Variants in MBP observed in about 807,000 individuals in gnomAD.
MBP encodes myelin basic protein.
Under a neutral mutation model 35.8 loss-of-function variants are expected in MBP, and 16 were observed. The observed-to-expected ratio is 0.45, with a 90% CI of 0.30 to 0.68. The LOEUF is 0.68. MBP is among the 30% of genes least tolerant of loss of function. The pLI is 0.08. For missense variants in MBP, 380 were observed against 404.7 expected (o/e 0.94, Z 0.52); for synonymous variants, 143 against 159.6 (o/e 0.90, Z 0.78).
At chr18:77,073,447 T>A (rs986690904) in intron 2 of MBP, among the ~76,000 whole-genome samples, 8 of 152,136 alleles carry the variant, frequency 5.3e-5, no homozygotes, top group Non-Finnish European at 1.0e-4. Flanking sequence ...TTGACATGAG[T>A]TCCCTAATAC....
rs1192814183 is a variant in MBP at position 77,036,919 on chromosome 18, T to C, written c.140-19651A>G. 1.2e-3 allele frequency among the ~76,000 whole-genome samples: 84 copies of C among 72,724 alleles called. 13 individuals carry two copies. The highest frequency in any genetic ancestry group is 3.4e-3 in the East Asian group (4 of 1,184). 47.7% of individuals were successfully genotyped at this position (72,724 alleles called of 152,430 possible). ...AGCTGAGCAAGTGCTGGTCACATTT[T>C]GGAGACTGAGCTGAGCAAGTGCTGG... On this transcript the variant is annotated intron_variant, in intron 3 of 8. Coordinates refer to ENST00000355994, the MANE Select transcript of MBP (RefSeq NM_001025101.2).
rs1161900595 is a variant in MBP, at chr18:77,102,316, G to A, written c.51+2895C>T. 6.6e-6 allele frequency among the ~76,000 whole-genome samples: 1 copy of A among 152,152 alleles called. No homozygotes were observed. The highest frequency in any genetic ancestry group is 2.4e-5 in the African/African-American group (1 of 41,422). ...ACTTTCCTTGACTCTCTCATAAGGG[G>A]GAAAAATGCCTCCCAGAATCACACA... On this transcript the variant is annotated intron_variant, in intron 2 of 8. Transcript: ENST00000355994. This position sits in a 1 kb window ranked among gnomAD's most constrained non-coding sequence, Gnocchi z 4.4.
intron 2 of MBP, among the ~76,000 whole-genome samples, chr18:77,104,229 T>C (rs534242116): frequency 6.6e-6 from 1 of 152,076 alleles, no homozygotes; most frequent in Admixed American, 6.5e-5. Flanking sequence ...ACAAGACACA[T>C]GGGAGCAGGA....
At chr18:77,005,361 T>A (rs1334195069) in intron 4 of MBP, 2 of 152,254 alleles carry the variant, frequency 1.3e-5, no homozygotes, top group African/African-American at 4.8e-5. Context: ...AGGTACCATG[T>A]TGCCATGGCG....
At chr18:77,092,273 G>A (rs911815221) in intron 2 of MBP, among the ~76,000 whole-genome samples, 9 of 152,152 alleles carry the variant, frequency 5.9e-5, no homozygotes, top group African/African-American at 2.2e-4. Flanking sequence ...GCAGCTCCCC[G>A]TCGGGCTGCA....
chr18:77,008,812 T>C (rs933190304), intron 4 of MBP, among the ~76,000 whole-genome samples: 6 of 152,210 alleles, frequency 3.9e-5, no homozygotes, highest in African/African-American at 1.2e-4. Flanking sequence ...ATGTCTGACA[T>C]GCAGCCACAC....
At chr18:77,113,980 C>T (rs1295685769) in intron 1 of MBP, 1 of 152,218 alleles carries the variant, frequency 6.6e-6, no homozygotes, top group African/African-American at 2.4e-5. Flanking sequence ...TTTCAGGAGC[C>T]AGCCCTGGGC....
chr18:76,987,176 G>T (rs1003670360), intron 7 of MBP: 1 of 985,338 alleles, frequency 1.0e-6, no homozygotes, highest in East Asian at 1.1e-4. Flanking sequence ...GATCCGGCAC[G>T]ACGGCCCCAA....
chr18:77,117,309 A>G (rs185161971), intron 1 of MBP, among the ~76,000 whole-genome samples: 10 of 152,370 alleles, frequency 6.6e-5, no homozygotes, highest in Non-Finnish European at 8.8e-5. Flanking sequence ...TGTTATGAAC[A>G]TAAGACTGCC....
chr18:77,108,072 C>T (rs984111061), intron 1 of MBP, among the ~76,000 whole-genome samples: 1 of 152,160 alleles, frequency 6.6e-6, no homozygotes, highest in Non-Finnish European at 1.5e-5. Flanking sequence ...ATGGTGGGAA[C>T]GACAGAGCAT....
At chr18:77,119,706 C>A (rs191812204) in intron 1 of MBP, among the ~76,000 whole-genome samples, 4,133 of 152,288 alleles carry the variant, frequency 0.027, 181 homozygotes, top group Admixed American at 0.095. Context: ...AGGCTCCTCC[C>A]AGAAAACCGA....
At chr18:77,099,593 G>A (rs866102488) in intron 2 of MBP, among the ~76,000 whole-genome samples, 1 of 152,248 alleles carries the variant, frequency 6.6e-6, no homozygotes, top group South Asian at 2.1e-4. Context: ...GCCACCTGGG[G>A]CTCCAGGCCT....
At chr18:76,981,374 G>A (rs1489976047) in intron 8 of MBP, 1 of 152,186 alleles carries the variant, frequency 6.6e-6, no homozygotes, top group African/African-American at 2.4e-5. Flanking sequence ...GATCAGCAAC[G>A]AACCAACACT....
intron 1 of MBP, among the ~76,000 whole-genome samples, chr18:77,129,531 C>G (rs537114657): frequency 6.6e-6 from 1 of 152,322 alleles, no homozygotes; most frequent in African/African-American, 2.4e-5. Flanking sequence ...CTGGATGAAG[C>G]CTGTCCACTA....
rs1969043437 is a variant in MBP, at chr18:76,979,092, T to C, written c.*1335A>G. The C allele has an allele frequency of 6.6e-6, 1 of 152,130 alleles. No individual in the cohort carries two copies. Among genetic ancestry groups the C allele is most frequent in the East Asian group, 1.9e-4 (1 of 5,196 alleles). The allele number at this position is 152,130 out of a possible 1,614,324, so 9.4% of individuals were successfully genotyped here. A position where few individuals can be genotyped will look rare whatever the true frequency, so the allele number is the denominator to read the frequency against. On this transcript the variant is annotated 3_prime_UTR_variant, in exon 9 of 9. Transcript: ENST00000355994. ...CCACACGAAACATTCAGAATTAGAA[T>C]TGGATTAAGAAGACGCGTTTTGGCA...
In MBP at chr18:77,029,183, CG is replaced by C. The variant is rs1259571703; in HGVS notation, c.140-11916del. Among the ~76,000 whole-genome samples the C allele has an allele frequency of 1.7e-3, 200 of 115,316 alleles. 1 individual carries two copies. Among genetic ancestry groups the C allele is most frequent in the African/African-American group, 4.8e-3 (179 of 37,462 alleles). The allele number at this position is 115,316 out of a possible 152,430, so 75.7% of individuals were successfully genotyped here. A position where few individuals can be genotyped will look rare whatever the true frequency, so the allele number is the denominator to read the frequency against. On this transcript the variant is annotated intron_variant, in intron 3 of 8. Coordinates refer to ENST00000355994, the MANE Select transcript of MBP (RefSeq NM_001025101.2). ...CGGCACCTCGGGAGGCCGAGGCTGG[CG>C]GATCACTCGCGGTTAGGAGCTGGAG...
chr18:77,117,661 AT>A, intron 1 of MBP, among the ~76,000 whole-genome samples: 1 of 150,212 alleles, frequency 6.7e-6, no homozygotes, highest in African/African-American at 2.5e-5. Context: ...TGGATGGGTT[AT>A]TTCCTAGTTG....
At chr18:76,994,758 AC>A (rs902065335) in intron 4 of MBP, among the ~76,000 whole-genome samples, 3 of 152,230 alleles carry the variant, frequency 2.0e-5, no homozygotes, top group Admixed American at 6.5e-5. Context: ...CTCATACAGA[AC>A]AAAGAATGCA....
intron 3 of MBP, among the ~76,000 whole-genome samples, chr18:77,025,704 A>ATTTTTTTTTTTTT (rs1972185043): frequency 1.8e-5 from 1 of 57,038 alleles, no homozygotes; most frequent in African/African-American, 9.7e-5. Context: ...CTATTGAAAT[A>ATTTTTTTTTTTTT]CTTTTTTTTT....
Sources: gnomAD v4.1 joint callset for allele counts (sites outside exome capture counted in the v4.1 genomes callset) on GRCh38, gnomAD v4.1.1 for gene constraint, Gnocchi (gnomAD v3.1) non-coding constraint, MANE v1.5 for transcripts, NCBI Gene and HGNC (gene_info 2026-07-23, HGNC 2026-07-21) for gene names.